The following TLE2 variants were observed in gnomAD, a reference collection of about 807,000 sequenced individuals.
TLE2 encodes transducin-like enhancer protein 2.
Under a neutral mutation model 97.2 loss-of-function variants are expected in TLE2, and 74 were observed. The ratio of observed to expected loss-of-function variants is 0.76; its 90% confidence interval spans 0.63 to 0.92. The LOEUF (loss-of-function observed/expected upper bound fraction) is 0.92. TLE2 is among the 40% of genes least tolerant of loss of function. The pLI, the probability that TLE2 is intolerant of heterozygous loss-of-function variation, is 0.00. For synonymous variants in TLE2, 499 were observed against 432.1 expected (o/e 1.15, Z -1.92); for missense variants, 1,038 against 1,008.7 (o/e 1.03, Z -0.39).
intron 5 of TLE2, among the ~76,000 whole-genome samples, chr19:3,023,056 CTTT>C (rs35202557): frequency 2.7e-4 from 36 of 135,406 alleles, no homozygotes; most frequent in African/African-American, 8.1e-4. Context: ...TTTACCTAAT[CTTT>C]TTTTTTTTTT....
chr19:3,007,942 G>A (rs35540322), intron 14 of TLE2, among the ~76,000 whole-genome samples: 8,477 of 151,966 alleles, frequency 0.056, 332 homozygotes, highest in South Asian at 0.091. Context: ...AAAATTAGCC[G>A]GCGGTGGTCC....
At chr19:3,017,131 T>C (rs2089724841) in intron 8 of TLE2, among the ~76,000 whole-genome samples, 1 of 151,712 alleles carries the variant, frequency 6.6e-6, no homozygotes. Context: ...TTTTTTATTG[T>C]TGTGGTTGCT....
At chr19:3,000,958 G>A (rs1316305324) in intron 18 of TLE2, among the ~76,000 whole-genome samples, 1 of 151,500 alleles carries the variant, frequency 6.6e-6, no homozygotes, top group Non-Finnish European at 1.5e-5. Context: ...GACCACAGGT[G>A]TGCACCACCA....
Position 3,028,411 on chromosome 19 carries a change from C to T in TLE2, c.123-29G>A, listed in dbSNP as rs763923815. 10 of 1,570,942 alleles carry T rather than the reference C, an allele frequency of 6.4e-6. No homozygotes were observed. The African/African-American group carries it at 1.4e-4, about 21-fold the overall frequency. On this transcript the variant is annotated intron_variant, in intron 2 of 19. Coordinates refer to ENST00000262953, the MANE Select transcript of TLE2 (RefSeq NM_003260.5). ...AGAAGAAGAGAGAGGGCAAGGGGCT[C>T]CCACCCGCCCCATGTGGGCCGGCTT...
intron 2 of TLE2, 82 bp downstream of exon 2, chr19:3,028,624 C>A (rs2089986895): frequency 6.6e-7 from 1 of 1,519,920 alleles, no homozygotes; most frequent in South Asian, 1.1e-5. Context: ...GGAGCCCCTC[C>A]TCCCCGCCCT....
upstream of TLE2, among the ~76,000 whole-genome samples, chr19:3,032,359 T>C (rs2090031993): frequency 6.6e-6 from 1 of 152,138 alleles, no homozygotes; most frequent in Non-Finnish European, 1.5e-5. The surrounding 1 kb of genome is among the most constrained non-coding windows in gnomAD (Gnocchi z 4.1). Context: ...TGCCTCAGCC[T>C]CCCGAATAGC....
intron 1 of TLE2, among the ~76,000 whole-genome samples, chr19:3,037,024 C>T (rs1484153198): frequency 6.6e-6 from 1 of 152,178 alleles, no homozygotes; most frequent in Non-Finnish European, 1.5e-5. Context: ...GTGGCTCACG[C>T]CCGTAATCCC....
At chr19:3,003,533 G>C (rs2089411385) in intron 17 of TLE2, among the ~76,000 whole-genome samples, 1 of 152,108 alleles carries the variant, frequency 6.6e-6, no homozygotes, top group Non-Finnish European at 1.5e-5. Context: ...AGCTACTCGG[G>C]AGGCTGAGGC....
upstream of TLE2, among the ~76,000 whole-genome samples, chr19:3,046,231 C>T (rs1297983929): frequency 6.6e-6 from 1 of 152,220 alleles, no homozygotes; most frequent in Non-Finnish European, 1.5e-5. Flanking sequence ...TCATTTCTAG[C>T]TCCCTAATTC....
chr19:3,028,044 G>C (rs1268989277), intron 3 of TLE2, among the ~76,000 whole-genome samples, 171 bp from the exon 4 acceptor site: 1 of 152,062 alleles, frequency 6.6e-6, no homozygotes, highest in Non-Finnish European at 1.5e-5. Context: ...GCTCTGCCTG[G>C]AAGGGCCCCC....
chr19:3,005,646 G>C, intron 16 of TLE2, 62 bp from the exon 17 acceptor site: 2 of 1,608,554 alleles, frequency 1.2e-6, no homozygotes, highest in Non-Finnish European at 1.7e-6. Flanking sequence ...ATCGTCCCAG[G>C]TCACACTCCT....
intron 12 of TLE2, among the ~76,000 whole-genome samples, 153 bp from the exon 13 acceptor site, chr19:3,009,855 C>T (rs528987880): frequency 6.6e-6 from 1 of 151,244 alleles, no homozygotes; most frequent in African/African-American, 2.4e-5. Flanking sequence ...TCTGCACTAT[C>T]GTTCCTCCAG....
Position 3,029,149 on chromosome 19 carries a change from C to CGGGG in TLE2, c.-249_-246dup. ...GAGCGGGGCGGGCAGGGGCAGCGGC[C>CGGGG]GGGGCGGGAGCGCGGCGAGGGCGGC... On this transcript the variant is annotated 5_prime_UTR_variant, in exon 1 of 20. Coordinates refer to ENST00000262953, the MANE Select transcript of TLE2 (RefSeq NM_003260.5). 1.0e-6 allele frequency: 1 copy of CGGGG among 960,506 alleles called. No individual in the cohort carries two copies. The highest frequency in any genetic ancestry group is 1.2e-6 in the Non-Finnish European group (1 of 802,378). 59.5% of individuals were successfully genotyped at this position (960,506 alleles called of 1,614,324 possible).
chr19:3,001,849 A>G (rs1014632238), intron 18 of TLE2, among the ~76,000 whole-genome samples: 28 of 139,698 alleles, frequency 2.0e-4, no homozygotes, highest in African/African-American at 7.7e-4. Context: ...CCAGGCTGGA[A>G]TGCAGTGGCA....
chr19:3,034,592 T>C (rs2090048722), intron 1 of TLE2, among the ~76,000 whole-genome samples: 1 of 151,300 alleles, frequency 6.6e-6, no homozygotes, highest in African/African-American at 2.4e-5. Context: ...AGAAAGTCCA[T>C]TTTTTTCAAG....
chr19:2,998,023 AGGCTGG>A, intron 19 of TLE2, 68 bp from the exon 20 acceptor site: 1 of 1,174,870 alleles, frequency 8.5e-7, no homozygotes, highest in Non-Finnish European at 1.2e-6. Flanking sequence ...TGTGTGGGCA[AGGCTGG>A]GGCGGAGTCA....
At chr19:3,027,807 C>T (rs1173934806) in intron 4 of TLE2, 22 bp downstream of exon 4, 4 of 1,608,836 alleles carry the variant, frequency 2.5e-6, no homozygotes, top group East Asian at 2.2e-5. Context: ...CTCCTGAACA[C>T]GCGTAACCCC....
chr19:3,019,775 T>C lies in TLE2; in HGVS notation c.295-2A>G. ...GGCCTGGAGCACCTGCTGCTGATGCTGGCGGGTGGAAGGGATCAGGTAGAG... is the reference window on the plus strand; with the variant it reads ...GGCCTGGAGCACCTGCTGCTGATGCCGGCGGGTGGAAGGGATCAGGTAGAG... On this transcript the variant is annotated splice_acceptor_variant, in intron 5 of 19. Coordinates refer to ENST00000262953, the MANE Select transcript of TLE2 (RefSeq NM_003260.5). LOFTEE classifies it high-confidence loss of function. This position sits in a 1 kb window ranked among gnomAD's most constrained non-coding sequence, Gnocchi z 5.1. 6.2e-7 allele frequency: 1 copy of C among 1,612,134 alleles called. No individual in the cohort carries two copies. Among genetic ancestry groups the C allele is most frequent in the Non-Finnish European group, 8.5e-7 (1 of 1,179,278 alleles).
At position 3,004,693 on chromosome 19, in the gene TLE2, G is replaced by A. The variant is rs370149211; in HGVS notation, c.1896+744C>T. Among the ~76,000 whole-genome samples the A allele has an allele frequency of 3.3e-5, 5 of 151,408 alleles. No individual in the cohort carries two copies. In the South Asian group the frequency reaches 6.3e-4, roughly 19 times the overall value. On this transcript the variant is annotated intron_variant, in intron 17 of 19. Coordinates refer to ENST00000262953, the MANE Select transcript of TLE2 (RefSeq NM_003260.5). ...GGTTTCAAGGAGGAGGGGCAAATGA[G>A]ATGGGTCTTGAGGGATGAATAGGAG...
Sources: gnomAD v4.1 joint callset for allele counts (sites outside exome capture counted in the v4.1 genomes callset) on GRCh38, gnomAD v4.1.1 for gene constraint, Gnocchi (gnomAD v3.1) non-coding constraint, MANE v1.5 for transcripts, NCBI Gene and HGNC (gene_info 2026-07-23, HGNC 2026-07-21) for gene names.